KCNQ5: variants seen among roughly 807,000 people sequenced by gnomAD.
The protein encoded by KCNQ5 is potassium voltage-gated channel subfamily Q member 5, also known as potassium voltage-gated channel subfamily KQT member 5.
A neutral mutation model predicts 98.2 loss-of-function variants in KCNQ5; 30 were observed. The observed-to-expected ratio is 0.31, with a 90% confidence interval of 0.23 to 0.41. The LOEUF is 0.41. Ranked by LOEUF, KCNQ5 falls within the 10% of genes least tolerant of loss-of-function variation. The probability of loss-of-function intolerance (pLI) is 1.00; values close to 1 mark genes in which losing one functional copy is unlikely to be tolerated. For synonymous variants in KCNQ5, 458 were observed against 449.4 expected, an observed-to-expected ratio of 1.02 and a Z score of -0.24; for missense variants, 835 against 1,182.5, an observed-to-expected ratio of 0.71 and a Z score of 4.31.
intron 3 of KCNQ5, among the ~76,000 whole-genome samples, chr6:73,059,013 C>G (rs986241328): frequency 3.3e-5 from 5 of 152,304 alleles, no homozygotes; most frequent in Non-Finnish European, 5.9e-5. Context: ...GGCAATTTCT[C>G]AAAGAACTCA....
At chr6:72,690,828 C>G (rs868559118) in intron 1 of KCNQ5, among the ~76,000 whole-genome samples, 3 of 151,704 alleles carry the variant, frequency 2.0e-5, no homozygotes, top group Middle Eastern at 3.4e-3. Context: ...AGGAAAGATG[C>G]TAAAGTATAA....
chr6:73,006,140 A>G (rs1439784787), intron 2 of KCNQ5, among the ~76,000 whole-genome samples: 1 of 152,226 alleles, frequency 6.6e-6, no homozygotes, highest in African/African-American at 2.4e-5. Flanking sequence ...GGAAAAGTCA[A>G]TCATTAAGAT....
At chr6:73,152,551 C>G (rs1263805996) in intron 10 of KCNQ5, among the ~76,000 whole-genome samples, 4 of 152,050 alleles carry the variant, frequency 2.6e-5, no homozygotes, top group Non-Finnish European at 4.4e-5. Flanking sequence ...ATATTAATGA[C>G]AATGTTTTGA....
chr6:72,709,009 T>G (rs923693004), intron 1 of KCNQ5, among the ~76,000 whole-genome samples: 1 of 152,178 alleles, frequency 6.6e-6, no homozygotes, highest in Admixed American at 6.5e-5. Flanking sequence ...TTAAGTTACT[T>G]CTACTTTTTG....
At chr6:72,695,583 C>T (rs2154474397) in intron 1 of KCNQ5, among the ~76,000 whole-genome samples, 1 of 152,226 alleles carries the variant, frequency 6.6e-6, no homozygotes, top group Non-Finnish European at 1.5e-5. Context: ...CAACACTTCT[C>T]AGAACATATA....
At chr6:72,754,793 G>A (rs1466596773) in intron 1 of KCNQ5, among the ~76,000 whole-genome samples, 1 of 152,006 alleles carries the variant, frequency 6.6e-6, no homozygotes, top group African/African-American at 2.4e-5. Context: ...GAAGAATGTT[G>A]TATAAATGTC....
chr6:73,197,273 C>T lies in KCNQ5; in HGVS notation c.*1859C>T, dbSNP rs1385535161. On this transcript the variant is annotated 3_prime_UTR_variant, in exon 14 of 14. Transcript: ENST00000370398. ...TCCATCCCCAGGTCAACCAGTTCTC[C>T]GCTTTACCTAAAATGTGCTTCTCAA... 5 of 152,224 alleles carry T rather than the reference C, an allele frequency of 3.3e-5. No homozygotes were observed. The highest frequency in any genetic ancestry group is 6.5e-5 in the Admixed American group (1 of 15,276). The allele number at this position is 152,224 out of a possible 1,614,324, so 9.4% of individuals were successfully genotyped here.
chr6:72,672,875 C>G (rs1767205572), intron 1 of KCNQ5, among the ~76,000 whole-genome samples: 1 of 152,066 alleles, frequency 6.6e-6, no homozygotes. Context: ...TGATAAAAAG[C>G]ACTTGTGAAA....
At chr6:73,186,375 GA>G (rs1489351971) in intron 11 of KCNQ5, among the ~76,000 whole-genome samples, 1 of 152,210 alleles carries the variant, frequency 6.6e-6, no homozygotes, top group African/African-American at 2.4e-5. Flanking sequence ...AGCCAGTTGA[GA>G]AAATCTATTT....
At chr6:72,938,010 A>C (rs887999073) in intron 1 of KCNQ5, among the ~76,000 whole-genome samples, 13 of 152,210 alleles carry the variant, frequency 8.5e-5, no homozygotes, top group Non-Finnish European at 8.8e-5. Flanking sequence ...ATCATGTTCA[A>C]GAAGTATCAC....
chr6:72,960,885 G>A (rs1767308625), intron 1 of KCNQ5, among the ~76,000 whole-genome samples: 1 of 152,226 alleles, frequency 6.6e-6, no homozygotes, highest in Admixed American at 6.5e-5. Flanking sequence ...TTCAGAGGTG[G>A]GAGGATCATT....
chr6:72,794,336 A>C (rs974452933), intron 1 of KCNQ5, among the ~76,000 whole-genome samples: 1 of 151,780 alleles, frequency 6.6e-6, no homozygotes, highest in Non-Finnish European at 1.5e-5. Context: ...AAGTGAACCA[A>C]AGAGGAGAGA....
chr6:72,806,188 G>A (rs1462948923), intron 1 of KCNQ5, among the ~76,000 whole-genome samples: 1 of 152,096 alleles, frequency 6.6e-6, no homozygotes, highest in East Asian at 1.9e-4. Context: ...TTTACCTGGG[G>A]TGGATTGGGA....
chr6:72,860,601 T>C (rs1392142044), intron 1 of KCNQ5, among the ~76,000 whole-genome samples: 1 of 152,208 alleles, frequency 6.6e-6, no homozygotes, highest in Non-Finnish European at 1.5e-5. Context: ...TTTTCTTCTT[T>C]TTTTAATTAT....
At chr6:72,942,598 T>C (rs1356510693) in intron 1 of KCNQ5, among the ~76,000 whole-genome samples, 2 of 152,230 alleles carry the variant, frequency 1.3e-5, no homozygotes, top group African/African-American at 4.8e-5. Flanking sequence ...TTTCAGATTA[T>C]TTTGGGAAAA....
chr6:72,872,450 T>C (rs950654106), intron 1 of KCNQ5, among the ~76,000 whole-genome samples: 1 of 152,218 alleles, frequency 6.6e-6, no homozygotes, highest in Admixed American at 6.5e-5. Flanking sequence ...TGTTAGGACC[T>C]ACTGCTCTGA....
chr6:73,193,836 C>CT (rs71540369), intron 13 of KCNQ5, among the ~76,000 whole-genome samples: 31,627 of 124,438 alleles, frequency 0.25, 4,348 homozygotes, highest in Middle Eastern at 0.39. Context: ...AATGGGAAGT[C>CT]TTTTTTTTTT....
chr6:72,985,013 TG>T (rs1582139324), intron 1 of KCNQ5, among the ~76,000 whole-genome samples: 1 of 152,206 alleles, frequency 6.6e-6, no homozygotes, highest in East Asian at 1.9e-4. Flanking sequence ...TAGACCAGCC[TG>T]GGCAACAAAG....
At chr6:72,692,829 T>C (rs1392320063) in intron 1 of KCNQ5, among the ~76,000 whole-genome samples, 1 of 152,162 alleles carries the variant, frequency 6.6e-6, no homozygotes, top group African/African-American at 2.4e-5. Flanking sequence ...TGCTGTAATA[T>C]GGTGTAGGAT....
Sources: gnomAD v4.1 joint callset for allele counts (sites outside exome capture counted in the v4.1 genomes callset) on GRCh38, gnomAD v4.1.1 for gene constraint, MANE v1.5 for transcripts, NCBI Gene and HGNC (gene_info 2026-07-23, HGNC 2026-07-21) for gene names.